Variants in COPS3 observed in about 807,000 individuals in gnomAD.
COPS3 encodes COP9 signalosome subunit 3, also known as COP9 signalosome complex subunit 3.
A neutral mutation model predicts 58.2 loss-of-function variants in COPS3; 10 were observed. The observed-to-expected ratio is 0.17, with a 90% CI of 0.11 to 0.29. The LOEUF is 0.29. Among genes scored for constraint, COPS3 ranks in the 10% least tolerant of loss-of-function variants. The pLI is 1.00. For missense variants in COPS3, 333 were observed against 510.1 expected (o/e 0.65, Z 3.34); for synonymous variants, 187 against 181.7 (o/e 1.03, Z -0.24).
intron 9 of COPS3, 28 bp from the exon 10 acceptor site, chr17:17,249,067 G>A: frequency 2.2e-6 from 3 of 1,358,534 alleles, no homozygotes; most frequent in Non-Finnish European, 2.1e-6. Context: ...AAAAAATCAG[G>A]AAAGCAGTTT....
intron 1 of COPS3, chr17:17,280,591 G>C (rs1278108523): frequency 2.3e-6 from 3 of 1,297,658 alleles, no homozygotes; most frequent in African/African-American, 3.0e-5. Flanking sequence ...AGCTTCCGCA[G>C]CATTCTGTAG....
rs975679902 is a variant in COPS3, at chr17:17,281,228, G to C, written c.-42C>G. The C allele has an allele frequency of 6.3e-7, 1 of 1,590,772 alleles. No individual in the cohort carries two copies. The highest frequency in any genetic ancestry group is 8.6e-7 in the Non-Finnish European group (1 of 1,168,008). On this transcript the variant is annotated 5_prime_UTR_variant, in exon 1 of 12. Transcript: ENST00000268717. ...CCCGAGCGGCGAAGGCAGCACGCGC[G>C]GGAAAAGGCTGCCGCTCTGGGAGGA...
At chr17:17,247,282 A>G in intron 11 of COPS3, 131 bp from the exon 12 acceptor site, 2 of 1,008,722 alleles carry the variant, frequency 2.0e-6, no homozygotes. Context: ...AGGCAATTCC[A>G]GGAACCACCC....
intron 2 of COPS3, among the ~76,000 whole-genome samples, chr17:17,272,300 G>C (rs910606234): frequency 2.0e-5 from 3 of 152,156 alleles, no homozygotes; most frequent in Admixed American, 6.6e-5. Flanking sequence ...GCAGGTGCCT[G>C]TAATCCCACC....
chr17:17,274,901 C>T (rs116463113), intron 2 of COPS3, among the ~76,000 whole-genome samples: 13 of 152,094 alleles, frequency 8.5e-5, no homozygotes, highest in African/African-American at 2.9e-4. Context: ...GAAGGATCAC[C>T]TGAGTCCTCC....
rs1325937928 is a variant in COPS3 at position 17,264,954 on chromosome 17, G to T, written c.469C>A (p.Pro157Thr). Residue 157 changes from proline to threonine, a missense_variant, in exon 6 of 12, where the codon CCT (proline) becomes ACT (threonine). Physicochemically the swap from Pro to Thr is conservative, Grantham distance 38 (BLOSUM62 -1). Coordinates refer to ENST00000268717, the MANE Select transcript of COPS3 (RefSeq NM_003653.4). ...TCCACGTCAAGATATGGAAGGGCAG[G>T]CTTAAAGCATTTTGCTAGCAAACAA... ...QLCLLAKCFK[P>T]ALPYLDVDMM... 6.2e-7 allele frequency: 1 copy of T among 1,612,102 alleles called. No individual in the cohort carries two copies. Among genetic ancestry groups the T allele is most frequent in the Non-Finnish European group, 8.5e-7 (1 of 1,179,692 alleles).
At chr17:17,255,027 C>T (rs1234635762) in intron 8 of COPS3, 82 bp from the exon 9 acceptor site, 3 of 942,780 alleles carry the variant, frequency 3.2e-6, no homozygotes, top group East Asian at 2.6e-5. Context: ...AGCGGCCAGG[C>T]GTGGTGGCTC....
intron 9 of COPS3, among the ~76,000 whole-genome samples, chr17:17,249,675 A>G (rs1388726624): frequency 6.6e-6 from 1 of 152,140 alleles, no homozygotes; most frequent in Admixed American, 6.6e-5. Flanking sequence ...TATTTTTAGT[A>G]GAGACAGGGT....
chr17:17,271,775 G>T (rs531341810), intron 2 of COPS3, among the ~76,000 whole-genome samples: 16 of 143,254 alleles, frequency 1.1e-4, no homozygotes, highest in Non-Finnish European at 1.7e-4. Context: ...AGCTGAGATG[G>T]TGCCACTGCA....
At chr17:17,271,042 A>G (rs1356961888) in intron 2 of COPS3, 34 bp from the exon 3 acceptor site, 2 of 1,422,316 alleles carry the variant, frequency 1.4e-6, no homozygotes, top group African/African-American at 1.4e-5. Flanking sequence ...AATTACCCTG[A>G]TAGTTCATGG....
intron 8 of COPS3, among the ~76,000 whole-genome samples, chr17:17,257,659 T>C (rs1266221001): frequency 6.6e-6 from 1 of 151,428 alleles, no homozygotes; most frequent in Non-Finnish European, 1.5e-5. Flanking sequence ...TAGCCAGGTG[T>C]GGTGGCGGGC....
chr17:17,249,439 T>G (rs1415577087), intron 9 of COPS3, among the ~76,000 whole-genome samples: 3 of 152,174 alleles, frequency 2.0e-5, no homozygotes, highest in African/African-American at 7.2e-5. Flanking sequence ...TTCTCCTGCC[T>G]CAGCCTCCCA....
chr17:17,260,223 G>T, intron 8 of COPS3, 78 bp downstream of exon 8: 1 of 1,395,782 alleles, frequency 7.2e-7, no homozygotes, highest in Non-Finnish European at 1.0e-6. Context: ...TGCTTCCTCA[G>T]CTCTGAAAAG....
chr17:17,279,759 C>G (rs1171038580), intron 1 of COPS3, among the ~76,000 whole-genome samples: 1 of 152,234 alleles, frequency 6.6e-6, no homozygotes, highest in Non-Finnish European at 1.5e-5. Flanking sequence ...ACTGCTTTTA[C>G]ATGGTTTCTC....
chr17:17,272,466 T>A (rs1002929282), intron 2 of COPS3, among the ~76,000 whole-genome samples: 5 of 152,164 alleles, frequency 3.3e-5, no homozygotes, highest in Non-Finnish European at 7.3e-5. Flanking sequence ...TGAAAATTTG[T>A]TTTAAAAAAT....
chr17:17,254,594 G>A (rs140257202), intron 9 of COPS3, among the ~76,000 whole-genome samples: 4 of 152,076 alleles, frequency 2.6e-5, no homozygotes, highest in African/African-American at 4.8e-5. Flanking sequence ...GGCAGATCAC[G>A]TGGTCAGGAG....
intron 6 of COPS3, 136 bp from the exon 7 acceptor site, chr17:17,262,242 G>C: frequency 1.2e-6 from 1 of 800,072 alleles, no homozygotes; most frequent in East Asian, 3.0e-5. Flanking sequence ...GCCTTATTGA[G>C]ATAGAATTCA....
At chr17:17,281,009 G>T in intron 1 of COPS3, 123 bp downstream of exon 1, 1 of 1,177,288 alleles carries the variant, frequency 8.5e-7, no homozygotes, top group Non-Finnish European at 1.2e-6. Context: ...GCAACCCCAA[G>T]CCCGGCCCCG....
At chr17:17,271,513 A>G (rs1409680860) in intron 2 of COPS3, among the ~76,000 whole-genome samples, 4 of 151,862 alleles carry the variant, frequency 2.6e-5, no homozygotes, top group Non-Finnish European at 5.9e-5. Context: ...ACGGACACAA[A>G]TAAGGGTTAA....
Sources: allele counts gnomAD v4.1 joint callset (sites outside exome capture counted in the v4.1 genomes callset), GRCh38; gene constraint gnomAD v4.1.1; transcripts MANE v1.5; gene names NCBI Gene and HGNC (gene_info 2026-07-23, HGNC 2026-07-21).